FRRS1L: variants seen among roughly 807,000 people sequenced by gnomAD.
FRRS1L encodes DOMON domain-containing protein FRRS1L.
A neutral mutation model predicts 28.6 loss-of-function variants in FRRS1L; 22 were observed. The ratio of observed to expected loss-of-function variants is 0.77; its 90% CI spans 0.55 to 1.10. FRRS1L has a LOEUF of 1.10. FRRS1L is among the 50% of genes least tolerant of loss of function. The probability of loss-of-function intolerance (pLI) is 0.00; values close to 1 mark genes in which losing one functional copy is unlikely to be tolerated. For missense variants in FRRS1L, 380 were observed against 386.9 expected, an observed-to-expected ratio of 0.98 and a Z score of 0.15; for synonymous variants, 158 against 151.4, an observed-to-expected ratio of 1.04 and a Z score of -0.32.
intron 1 of FRRS1L, among the ~76,000 whole-genome samples, chr9:109,154,650 C>T (rs1367185840): frequency 6.6e-6 from 1 of 152,100 alleles, no homozygotes; most frequent in Non-Finnish European, 1.5e-5. Flanking sequence ...TATACAAAGC[C>T]AATCTTATAT....
chr9:109,161,657 A>G (rs1385177221), intron 1 of FRRS1L, among the ~76,000 whole-genome samples: 4 of 152,094 alleles, frequency 2.6e-5, no homozygotes, highest in Admixed American at 6.5e-5. Flanking sequence ...ACCACACTCT[A>G]CTGGGTGGTT....
rs116889536 is a variant in FRRS1L at position 109,162,054 on chromosome 9, G to A, written c.238+4847C>T. On this transcript the variant is annotated intron_variant, in intron 1 of 4. Transcript: ENST00000561981. Reference sequence around the variant, plus strand: ...CTCTAGGCCAGACATGGTGGCTCACGCATGTAATTCCAGCACTTTGGGGGG... The same window carrying A: ...CTCTAGGCCAGACATGGTGGCTCACACATGTAATTCCAGCACTTTGGGGGG... Among the ~76,000 whole-genome samples the A allele has an allele frequency of 7.2e-3, 1,101 of 152,310 alleles. 4 individuals are homozygous for A. The highest frequency in any genetic ancestry group is 0.01 in the Non-Finnish European group (712 of 68,028).
intron 2 of FRRS1L, among the ~76,000 whole-genome samples, chr9:109,149,170 A>C (rs1174226554): frequency 6.6e-6 from 1 of 152,194 alleles, no homozygotes; most frequent in Non-Finnish European, 1.5e-5. Context: ...TCATGTAGAG[A>C]CTCACCATGC....
intron 1 of FRRS1L, among the ~76,000 whole-genome samples, chr9:109,153,961 T>C (rs1281435028): frequency 6.6e-6 from 1 of 152,216 alleles, no homozygotes; most frequent in Non-Finnish European, 1.5e-5. Context: ...GCTTAGACTC[T>C]GCCAATAGCA....
chr9:109,147,193 G>A lies in FRRS1L; in HGVS notation c.324-4C>T. 1.2e-6 allele frequency: 2 copies of A among 1,609,876 alleles called. No individual in the cohort carries two copies. The highest frequency in any genetic ancestry group is 1.7e-6 in the Non-Finnish European group (2 of 1,176,380). On this transcript the variant is annotated splice_polypyrimidine_tract_variant and splice_region_variant and intron_variant, in intron 2 of 4. Coordinates refer to ENST00000561981, the MANE Select transcript of FRRS1L (RefSeq NM_014334.4). ...ATTACAGCCTGGTTTGCCATATCTA[G>A]AAGAGATATCGAAAGAGACTTTACT...
intron 1 of FRRS1L, among the ~76,000 whole-genome samples, chr9:109,163,750 C>T (rs781317062): frequency 2.0e-5 from 3 of 152,118 alleles, no homozygotes; most frequent in Non-Finnish European, 2.9e-5. Flanking sequence ...GTACCCTGCA[C>T]AGAGGGAACA....
Position 109,166,995 on chromosome 9 carries a change from C to T in FRRS1L, c.144G>A (p.Gly48=), listed in dbSNP as rs1291851597. Residue 48 remains glycine (G), a synonymous_variant, in exon 1 of 5, where the codon GGG becomes GGA. Transcript: ENST00000561981. ...GGRGPRGRAR[G]DTGADEAVPR... ...GCACCGCCTCGTCGGCGCCCGTGTC[C>T]CCCCGCGCGCGTCCCCGGGGTCCCC... is the stretch of plus-strand genomic sequence containing the variant. The T allele has an allele frequency of 7.9e-7, 1 of 1,260,426 alleles. No individual in the cohort carries two copies. Among genetic ancestry groups the T allele is most frequent in the Admixed American group, 3.7e-5 (1 of 26,736 alleles). 78.1% of individuals were successfully genotyped at this position (1,260,426 alleles called of 1,614,324 possible). A position where few individuals can be genotyped will look rare whatever the true frequency, so the allele number is the denominator to read the frequency against.
At chr9:109,159,107 A>G (rs568648875) in intron 1 of FRRS1L, among the ~76,000 whole-genome samples, 2 of 152,126 alleles carry the variant, frequency 1.3e-5, no homozygotes, top group Non-Finnish European at 2.9e-5. Context: ...GGCAATTTGT[A>G]TGTCTTCTTT....
intron 1 of FRRS1L, among the ~76,000 whole-genome samples, chr9:109,158,178 T>C (rs1395702011): frequency 6.6e-6 from 1 of 152,198 alleles, no homozygotes; most frequent in Non-Finnish European, 1.5e-5. Flanking sequence ...ATTTCTTTGA[T>C]GGGTAAAAAA....
At chr9:109,160,607 C>T (rs1183567286) in intron 1 of FRRS1L, among the ~76,000 whole-genome samples, 1 of 151,868 alleles carries the variant, frequency 6.6e-6, no homozygotes, top group Non-Finnish European at 1.5e-5. Flanking sequence ...AAGCTGATCT[C>T]AAACTCCTGG....
At chr9:109,141,804 C>G (rs1831190980) in intron 3 of FRRS1L, among the ~76,000 whole-genome samples, 1 of 151,968 alleles carries the variant, frequency 6.6e-6, no homozygotes, top group Non-Finnish European at 1.5e-5. Flanking sequence ...AAGACATTAC[C>G]ACCTATGTGG....
At chr9:109,142,262 A>T (rs1433059703) in intron 3 of FRRS1L, among the ~76,000 whole-genome samples, 2 of 151,986 alleles carry the variant, frequency 1.3e-5, no homozygotes, top group Non-Finnish European at 2.9e-5. Flanking sequence ...AAATTCCAGA[A>T]AATAACAATC....
Position 109,132,315 on chromosome 9 carries a change from C to T in FRRS1L, c.*5140G>A, listed in dbSNP as rs1831067804. On this transcript the variant is annotated 3_prime_UTR_variant, in exon 5 of 5. Coordinates refer to ENST00000561981, the MANE Select transcript of FRRS1L (RefSeq NM_014334.4). ...AACATCTCTAGGTTAATGAATTACT[C>T]TGAAACACTGAAATCCTTACCATGA... 2 of 152,150 alleles carry T rather than the reference C, an allele frequency of 1.3e-5. No individual in the cohort carries two copies. The highest frequency in any genetic ancestry group is 1.3e-4 in the Admixed American group (2 of 15,260). 9.4% of individuals were successfully genotyped at this position (152,150 alleles called of 1,614,324 possible). A position where few individuals can be genotyped will look rare whatever the true frequency, so the allele number is the denominator to read the frequency against.
intron 1 of FRRS1L, among the ~76,000 whole-genome samples, chr9:109,166,609 A>G (rs530236220): frequency 3.3e-5 from 5 of 151,770 alleles, no homozygotes; most frequent in Admixed American, 2.0e-4. Context: ...CTCAGCACCC[A>G]CCCCTATCCA....
chr9:109,142,425 C>T (rs1588097387), intron 3 of FRRS1L, among the ~76,000 whole-genome samples: 1 of 152,104 alleles, frequency 6.6e-6, no homozygotes, highest in Non-Finnish European at 1.5e-5. Flanking sequence ...GTGGTTGATA[C>T]CACTGCATTG....
chr9:109,159,525 C>G (rs1376295132), intron 1 of FRRS1L, among the ~76,000 whole-genome samples: 2 of 152,136 alleles, frequency 1.3e-5, no homozygotes. Flanking sequence ...ATTTGCCAGG[C>G]ATGGTGGGAC....
At chr9:109,157,603 C>T (rs1831427842) in intron 1 of FRRS1L, among the ~76,000 whole-genome samples, 1 of 152,100 alleles carries the variant, frequency 6.6e-6, no homozygotes, top group African/African-American at 2.4e-5. Flanking sequence ...GTCTCAAACT[C>T]CTGGTCTCAA....
At chr9:109,152,654 A>T (rs1409920728) in intron 1 of FRRS1L, among the ~76,000 whole-genome samples, 1 of 151,130 alleles carries the variant, frequency 6.6e-6, no homozygotes, top group African/African-American at 2.4e-5. Flanking sequence ...AATACAAAAA[A>T]TTAGCTGGGC....
chr9:109,144,922 C>CGATCCACCTGCCTTGGCCTCAGTT (rs1273976927), intron 3 of FRRS1L, among the ~76,000 whole-genome samples: 1 of 152,056 alleles, frequency 6.6e-6, no homozygotes, highest in Non-Finnish European at 1.5e-5. Context: ...TGACCTCAGG[C>CGATCCACCTGCCTTGGCCTCAGTT]GATCCACCTG....
Sources: gnomAD v4.1 joint callset for allele counts (sites outside exome capture counted in the v4.1 genomes callset) on GRCh38, gnomAD v4.1.1 for gene constraint, MANE v1.5 for transcripts, NCBI Gene and HGNC (gene_info 2026-07-23, HGNC 2026-07-21) for gene names.